FAM3B: variants seen among roughly 807,000 people sequenced by gnomAD.
FAM3B encodes FAM3 metabolism regulating signaling molecule B, also known as protein FAM3B.
In FAM3B, 29 loss-of-function variants were observed where a neutral mutation model predicts 28.4. That is an observed-to-expected ratio of 1.02 (90% CI 0.76 to 1.39). FAM3B has a LOEUF of 1.39. Ranked by LOEUF, FAM3B falls within the 40% of genes most tolerant of loss-of-function variation. The probability of loss-of-function intolerance (pLI) is 0.00; values close to 1 mark genes in which losing one functional copy is unlikely to be tolerated. For synonymous variants in FAM3B, 91 were observed against 103.0 expected, an observed-to-expected ratio of 0.88 and a Z score of 0.71; for missense variants, 266 against 293.9, an observed-to-expected ratio of 0.91 and a Z score of 0.69.
At chr21:41,322,317 C>G (rs1336522733) in intron 1 of FAM3B, among the ~76,000 whole-genome samples, 1 of 152,198 alleles carries the variant, frequency 6.6e-6, no homozygotes, top group African/African-American at 2.4e-5. Context: ...CACGGACTTT[C>G]TGTCACTGGG....
intron 2 of FAM3B, among the ~76,000 whole-genome samples, chr21:41,333,525 A>G (rs966915142): frequency 1.3e-5 from 2 of 152,266 alleles, no homozygotes; most frequent in African/African-American, 4.8e-5. Context: ...TTCTGCCATG[A>G]TTGTAAGTTT....
Position 41,357,222 on chromosome 21 carries a change from G to C in FAM3B, c.*25G>C. 6.5e-7 allele frequency: 1 copy of C among 1,536,332 alleles called. No homozygotes were observed. The highest frequency in any genetic ancestry group is 2.3e-5 in the East Asian group (1 of 44,180). On this transcript the variant is annotated 3_prime_UTR_variant, in exon 8 of 8. Transcript: ENST00000357985. ...ACACTGCAGGGTCCTGAGTAAATGT[G>C]TTCTGTATAAACAAATGCAGCTGGA...
Position 41,326,927 on chromosome 21 carries a change from C to G in FAM3B, c.163+3861C>G, listed in dbSNP as rs918052211. The stretch of plus-strand genomic sequence containing the variant: ...TAAGTTTAGCAGCTGCTGCCTCTGC[C>G]TTGGGAACCTGTCATGGGATTGAGG... On this transcript the variant is annotated intron_variant, in intron 2 of 7. Transcript: ENST00000357985. This position sits in a 1 kb window ranked among gnomAD's most constrained non-coding sequence, Gnocchi z 4.0. Among the ~76,000 whole-genome samples, 1 of 152,222 alleles carries G rather than the reference C, an allele frequency of 6.6e-6. No homozygotes were observed. Among genetic ancestry groups the G allele is most frequent in the Non-Finnish European group, 1.5e-5 (1 of 68,044 alleles).
upstream of FAM3B, among the ~76,000 whole-genome samples, chr21:41,312,078 T>G (rs1374993792): frequency 6.6e-6 from 1 of 152,212 alleles, no homozygotes. Context: ...TTCAATCATC[T>G]TTCACTAGAC....
upstream of FAM3B, chr21:41,316,686 TGCCCCGCCCACGCCC>T (rs535584534): frequency 4.1e-4 from 172 of 423,762 alleles, no homozygotes; most frequent in African/African-American, 2.3e-3. Context: ...CCCGCGCACC[TGCCCCGCCCACGCCC>T]GCCCCGCGCA....
At chr21:41,311,261 T>A (rs1250644838) in intron 1 of FAM3B, among the ~76,000 whole-genome samples, 1,298 of 35,964 alleles carry the variant, frequency 0.036, 14 homozygotes, top group East Asian at 0.11. Flanking sequence ...AATATATATA[T>A]ATATATATAT....
intron 5 of FAM3B, chr21:41,346,547 G>A (rs141973969): frequency 1.9e-5 from 3 of 157,784 alleles, no homozygotes; most frequent in African/African-American, 7.2e-5. Flanking sequence ...GTGTTTGCAA[G>A]GCCACTCTGC....
intron 3 of FAM3B, among the ~76,000 whole-genome samples, chr21:41,343,239 A>C (rs1435052348): frequency 6.6e-6 from 1 of 152,244 alleles, no homozygotes; most frequent in Non-Finnish European, 1.5e-5. Context: ...TTCTGGAATC[A>C]GCAAATTCTC....
At chr21:41,355,769 A>G (rs2089159707) in intron 7 of FAM3B, among the ~76,000 whole-genome samples, 2 of 152,336 alleles carry the variant, frequency 1.3e-5, no homozygotes, top group East Asian at 1.9e-4. Flanking sequence ...ATGGTTGCAC[A>G]GGTCTGTGAC....
At chr21:41,325,613 A>C (rs943767708) in intron 2 of FAM3B, among the ~76,000 whole-genome samples, 1 of 152,146 alleles carries the variant, frequency 6.6e-6, no homozygotes, top group Non-Finnish European at 1.5e-5. Context: ...TATTTATTTT[A>C]ATTTGTTTTA....
intron 3 of FAM3B, among the ~76,000 whole-genome samples, chr21:41,341,515 G>C (rs1470957055): frequency 6.6e-6 from 1 of 152,138 alleles, no homozygotes; most frequent in Non-Finnish European, 1.5e-5. Context: ...TTTCTTGGTA[G>C]TTTTACTGCC....
chr21:41,308,893 G>T (rs539197382), intron 1 of FAM3B, among the ~76,000 whole-genome samples: 8 of 152,284 alleles, frequency 5.3e-5, no homozygotes, highest in Admixed American at 2.6e-4. Flanking sequence ...AGAAGTGGTG[G>T]CAGGGTCACA....
chr21:41,349,248 A>G (rs1466696026), intron 7 of FAM3B, among the ~76,000 whole-genome samples: 1 of 152,194 alleles, frequency 6.6e-6, no homozygotes, highest in African/African-American at 2.4e-5. Flanking sequence ...GTTCTCACTT[A>G]TTAACCACTA....
At chr21:41,318,752 T>C (rs1446683675) in intron 1 of FAM3B, among the ~76,000 whole-genome samples, 1 of 152,200 alleles carries the variant, frequency 6.6e-6, no homozygotes, top group African/African-American at 2.4e-5. Flanking sequence ...ATCCCGTCAA[T>C]AGACCTGGGT....
intron 2 of FAM3B, among the ~76,000 whole-genome samples, chr21:41,328,146 C>T (rs906498632): frequency 2.6e-5 from 4 of 152,180 alleles, no homozygotes; most frequent in East Asian, 1.9e-4. Context: ...CAGGTCTGTG[C>T]GCTTGTGAAG....
intron 7 of FAM3B, among the ~76,000 whole-genome samples, chr21:41,353,023 A>G (rs1042566240): frequency 2.6e-5 from 4 of 152,188 alleles, no homozygotes; most frequent in Admixed American, 2.6e-4. Flanking sequence ...TTTACTTGCA[A>G]TGAACAACCT....
At chr21:41,309,748 G>T (rs113647026) in intron 1 of FAM3B, among the ~76,000 whole-genome samples, 1 of 152,202 alleles carries the variant, frequency 6.6e-6, no homozygotes, top group East Asian at 1.9e-4. Context: ...AAGCTTAGAC[G>T]CATTGATCTG....
intron 2 of FAM3B, among the ~76,000 whole-genome samples, chr21:41,335,444 C>A (rs2088947423): frequency 6.6e-6 from 1 of 152,178 alleles, no homozygotes; most frequent in Non-Finnish European, 1.5e-5. Context: ...AGGCAGTGCT[C>A]ATAACAGTGA....
At chr21:41,322,824 A>G (rs532191434) in intron 1 of FAM3B, 99 bp from the exon 2 acceptor site, 350 of 1,591,640 alleles carry the variant, frequency 2.2e-4, no homozygotes, top group Non-Finnish European at 2.8e-4. Flanking sequence ...GTCCCCTGAC[A>G]CTGGGCCGGG....
Sources: gnomAD v4.1 joint callset for allele counts (sites outside exome capture counted in the v4.1 genomes callset) on GRCh38, gnomAD v4.1.1 for gene constraint, Gnocchi (gnomAD v3.1) non-coding constraint, MANE v1.5 for transcripts, NCBI Gene and HGNC (gene_info 2026-07-23, HGNC 2026-07-21) for gene names.